Variants in CNTN4 observed in about 807,000 individuals in gnomAD.
CNTN4 encodes contactin-4.
In CNTN4, 77 loss-of-function variants were observed where a neutral mutation model predicts 122.5. The ratio of observed to expected loss-of-function variants is 0.63; its 90% confidence interval spans 0.52 to 0.76. CNTN4 has a LOEUF of 0.76. Ranked by LOEUF, CNTN4 falls within the 30% of genes least tolerant of loss-of-function variation. The pLI is 0.00. For synonymous variants in CNTN4, 512 were observed against 447.0 expected (o/e 1.15, Z -1.83); for missense variants, 1,256 against 1,259.1 (o/e 1.00, Z 0.04).
chr3:2,800,187 G>A (rs528994252), intron 6 of CNTN4, among the ~76,000 whole-genome samples: 5 of 150,872 alleles, frequency 3.3e-5, no homozygotes, highest in South Asian at 4.2e-4. Flanking sequence ...AAATGACATC[G>A]GTATTTTGAT....
intron 3 of CNTN4, among the ~76,000 whole-genome samples, chr3:2,532,128 T>C (rs1405441318): frequency 1.3e-5 from 2 of 152,232 alleles, no homozygotes; most frequent in Non-Finnish European, 2.9e-5. Context: ...GCTAAATATA[T>C]GTACTTATAA....
intron 13 of CNTN4, among the ~76,000 whole-genome samples, chr3:2,937,106 C>A (rs2094573570): frequency 1.3e-5 from 2 of 152,202 alleles, no homozygotes; most frequent in South Asian, 4.1e-4. Context: ...GTAACATGAT[C>A]TTCCCCCACC....
At chr3:3,031,410 C>A (rs1699150861) in intron 16 of CNTN4, among the ~76,000 whole-genome samples, 1 of 152,150 alleles carries the variant, frequency 6.6e-6, no homozygotes, top group Admixed American at 6.5e-5. Context: ...ATCCGAGTTT[C>A]CTTTTTTCCC....
intron 4 of CNTN4, among the ~76,000 whole-genome samples, chr3:2,585,497 T>C (rs1289521494): frequency 2.0e-5 from 3 of 152,104 alleles, no homozygotes; most frequent in African/African-American, 7.2e-5. Context: ...CACCATGGAA[T>C]ACTATGCAGC....
At chr3:2,153,888 G>C (rs2035600902) in intron 2 of CNTN4, among the ~76,000 whole-genome samples, 1 of 152,058 alleles carries the variant, frequency 6.6e-6, no homozygotes, top group Non-Finnish European at 1.5e-5. Flanking sequence ...AGCAGTGTGG[G>C]ATCTTTAGCT....
At chr3:2,622,652 A>C (rs2149945881) in intron 4 of CNTN4, among the ~76,000 whole-genome samples, 1 of 152,312 alleles carries the variant, frequency 6.6e-6, no homozygotes, top group African/African-American at 2.4e-5. Flanking sequence ...AATAATAATT[A>C]GTACTGTTCA....
At chr3:3,005,610 C>T (rs767924093) in intron 14 of CNTN4, among the ~76,000 whole-genome samples, 2 of 152,214 alleles carry the variant, frequency 1.3e-5, no homozygotes, top group Non-Finnish European at 2.9e-5. Context: ...AAGGCACTGG[C>T]AGATCCAGGG....
At chr3:2,767,706 T>G (rs183064758) in intron 6 of CNTN4, among the ~76,000 whole-genome samples, 9 of 152,330 alleles carry the variant, frequency 5.9e-5, no homozygotes, top group Non-Finnish European at 1.0e-4. Flanking sequence ...ATCCCCTTTC[T>G]GTCTCAGATT....
chr3:2,757,055 G>A (rs963822284), intron 6 of CNTN4, among the ~76,000 whole-genome samples: 1 of 152,124 alleles, frequency 6.6e-6, no homozygotes, highest in African/African-American at 2.4e-5. Flanking sequence ...AGGTGCTTTT[G>A]TAACTTAACT....
chr3:2,810,828 C>G (rs980892099), intron 6 of CNTN4, among the ~76,000 whole-genome samples: 14 of 152,200 alleles, frequency 9.2e-5, no homozygotes, highest in African/African-American at 3.4e-4. Context: ...AAAGTAATAT[C>G]TAAATTGTAA....
At chr3:2,955,328 C>T (rs981566410) in intron 13 of CNTN4, among the ~76,000 whole-genome samples, 1 of 152,284 alleles carries the variant, frequency 6.6e-6, no homozygotes, top group South Asian at 2.1e-4. Flanking sequence ...CACAGTAAAT[C>T]GTAATTGCAT....
At chr3:2,736,098 G>A in intron 4 of CNTN4, 117 bp from the exon 5 acceptor site, 1 of 1,026,394 alleles carries the variant, frequency 9.7e-7, no homozygotes, top group Non-Finnish European at 1.5e-6. Context: ...ACAGCCTGTT[G>A]TGCCTTACTA....
At chr3:2,671,042 A>G (rs1342999607) in intron 4 of CNTN4, among the ~76,000 whole-genome samples, 1 of 151,970 alleles carries the variant, frequency 6.6e-6, no homozygotes, top group Admixed American at 6.6e-5. Context: ...CCTTCATTTC[A>G]ACTTTGGTGA....
At chr3:2,828,617 A>G (rs1470058804) in intron 7 of CNTN4, among the ~76,000 whole-genome samples, 2 of 152,192 alleles carry the variant, frequency 1.3e-5, no homozygotes, top group Non-Finnish European at 2.9e-5. Flanking sequence ...GGAACTTTAT[A>G]TATTCACTTA....
intron 3 of CNTN4, among the ~76,000 whole-genome samples, chr3:2,369,934 C>T (rs17013376): frequency 0.018 from 2,696 of 152,118 alleles, 84 homozygotes; most frequent in African/African-American, 0.062. Context: ...CTGTCACCAT[C>T]GTTTTGATAC....
In CNTN4 at chr3:3,030,962, C is replaced by A; in HGVS notation, c.1770C>A (p.Asp590Glu). The A allele has an allele frequency of 6.2e-7, 1 of 1,614,002 alleles. No homozygotes were observed. The highest frequency in any genetic ancestry group is 8.5e-7 in the Non-Finnish European group (1 of 1,179,922). Residue 590 changes from aspartate to glutamate, a missense_variant, in exon 16 of 25, where the codon GAC (aspartate) becomes GAA (glutamate). By Grantham distance (45) the Asp-to-Glu change is conservative (BLOSUM62 2). Coordinates refer to ENST00000418658, the MANE Select transcript of CNTN4 (RefSeq NM_175607.3). ...TGGACAGGCTATCTGCTGCTGCAGA[C>A]CTGATTGTAAGAGGTACTGGATTTT... is the stretch of plus-strand genomic sequence containing the variant. ...TSVDRLSAAADLIVRGPPGPP... is the reference protein window; with the variant it reads ...TSVDRLSAAAELIVRGPPGPP...
At chr3:2,840,577 T>C (rs541054182) in intron 7 of CNTN4, among the ~76,000 whole-genome samples, 4 of 71,900 alleles carry the variant, frequency 5.6e-5, no homozygotes, top group African/African-American at 1.1e-4. Flanking sequence ...TGGGCGCCTG[T>C]AGTCCCAGCT....
At chr3:2,633,538 T>G (rs997680136) in intron 4 of CNTN4, among the ~76,000 whole-genome samples, 1 of 152,210 alleles carries the variant, frequency 6.6e-6, no homozygotes, top group Admixed American at 6.5e-5. Flanking sequence ...GATTTGGGGC[T>G]TAAATCCATT....
chr3:2,859,380 C>T (rs940984962), intron 7 of CNTN4, among the ~76,000 whole-genome samples: 3 of 152,138 alleles, frequency 2.0e-5, no homozygotes, highest in Admixed American at 6.5e-5. Flanking sequence ...AGTGCAGATA[C>T]GTCTCTTCAA....
Sources: gnomAD v4.1 joint callset for allele counts (sites outside exome capture counted in the v4.1 genomes callset) on GRCh38, gnomAD v4.1.1 for gene constraint, MANE v1.5 for transcripts, NCBI Gene and HGNC (gene_info 2026-07-23, HGNC 2026-07-21) for gene names.